Variants in GCM1 observed in about 807,000 individuals in gnomAD.
GCM1 encodes GCM transcription factor 1, also known as chorion-specific transcription factor GCMa.
Under a neutral mutation model 25.7 loss-of-function variants are expected in GCM1, and 2 were observed. The observed-to-expected ratio is 0.08, with a 90% CI of 0.03 to 0.24. The LOEUF is 0.24. Ranked by LOEUF, GCM1 falls within the 10% of genes least tolerant of loss-of-function variation. GCM1 has a pLI of 1.00. For synonymous variants in GCM1, 183 were observed against 195.7 expected, an observed-to-expected ratio of 0.94 and a Z score of 0.54; for missense variants, 395 against 538.7, an observed-to-expected ratio of 0.73 and a Z score of 2.64.
chr6:53,130,570 A>G (rs978340649), intron 5 of GCM1, among the ~76,000 whole-genome samples: 1 of 152,236 alleles, frequency 6.6e-6, no homozygotes, highest in Non-Finnish European at 1.5e-5. Context: ...GTAGTAGGGA[A>G]GATGATTCTC....
rs916167318 is a variant in GCM1 at position 53,127,573 on chromosome 6, A to G, written c.*633T>C. 2 of 152,242 alleles carry G rather than the reference A, an allele frequency of 1.3e-5. No homozygotes were observed. Among genetic ancestry groups the G allele is most frequent in the African/African-American group, 4.8e-5 (2 of 41,442 alleles). The allele number at this position is 152,242 out of a possible 1,614,324, so 9.4% of individuals were successfully genotyped here. A position where few individuals can be genotyped will look rare whatever the true frequency, so the allele number is the denominator to read the frequency against. On this transcript the variant is annotated 3_prime_UTR_variant, in exon 6 of 6. Transcript: ENST00000259803. ...TTCATTTGCAACAATGACAATGAAA[A>G]CCCAGCATGCAATGTGGCTGAGGTG...
chr6:53,128,520 A>C lies in GCM1; in HGVS notation c.997T>G (p.Ser333Ala). 6.2e-7 allele frequency: 1 copy of C among 1,614,048 alleles called. No homozygotes were observed. Among genetic ancestry groups the C allele is most frequent in the Non-Finnish European group, 8.5e-7 (1 of 1,179,936 alleles). ...WPCSFSPSQN[S>A]SEPFYQQLPL... ...AGCTGCTGGTAAAAGGGTTCTGAAG[A>C]GTTTTGGGAAGGAGAGAAGCTGCAA... is the stretch of plus-strand genomic sequence containing the variant. The change falls in exon 6 of 6, where the codon TCT becomes GCT. Residue 333 changes from serine to alanine, a missense_variant. Ser to Ala is a moderately conservative substitution (Grantham distance 99). Coordinates refer to ENST00000259803, the MANE Select transcript of GCM1 (RefSeq NM_003643.4).
rs779224988 is a variant in GCM1, at chr6:53,145,621, G to T, written c.12C>A (p.Asp4Glu). The T allele has an allele frequency of 1.3e-6, 2 of 1,594,474 alleles. No individual in the cohort carries two copies. The highest frequency in any genetic ancestry group is 8.6e-7 in the Non-Finnish European group (1 of 1,162,372). ...TCTCTTTGTCTTCAGAATCAAAGTC[G>T]TCAGGTTCCATGATAAGGTCAGGCC... MEPDDFDSEDKEIL... is the reference protein window; with the variant it reads MEPEDFDSEDKEIL... The change falls in exon 2 of 6, where the codon GAC (aspartate) becomes GAA (glutamate). Residue 4 changes from aspartate (D) to glutamate (E), a missense_variant. Transcript: ENST00000259803.
At chr6:53,130,773 A>G (rs199557387) in intron 5 of GCM1, 30 bp downstream of exon 5, 3 of 1,599,360 alleles carry the variant, frequency 1.9e-6, no homozygotes, top group Non-Finnish European at 2.6e-6. Context: ...AAGCTACTGC[A>G]TGTATTGAAC....
At chr6:53,131,331 T>G (rs1479557549) in intron 4 of GCM1, among the ~76,000 whole-genome samples, 1 of 152,168 alleles carries the variant, frequency 6.6e-6, no homozygotes, top group East Asian at 1.9e-4. Flanking sequence ...TAACCTCCTC[T>G]AGAAGTGAGG....
chr6:53,128,816 T>A lies in GCM1; in HGVS notation c.701A>T (p.Asp234Val), dbSNP rs767582312. Reference protein sequence around the residue: ...ANTPQQNSLNDCFSFSKSYGL... With the variant: ...ANTPQQNSLNVCFSFSKSYGL... ...ATAACTCTTGGAGAAGGAAAAGCAA[T>A]CATTTAGTGAGTTCTGCTGAGGAGT... Residue 234 changes from aspartate (D) to valine (V), a missense_variant, in exon 6 of 6, where the codon GAT becomes GTT. Asp to Val is a radical substitution (Grantham distance 152). Coordinates refer to ENST00000259803, the MANE Select transcript of GCM1 (RefSeq NM_003643.4). The A allele has an allele frequency of 1.2e-6, 2 of 1,613,862 alleles. No individual in the cohort carries two copies. Among genetic ancestry groups the A allele is most frequent in the East Asian group, 2.2e-5 (1 of 44,872 alleles).
At chr6:53,139,511 A>C (rs1254240248) in intron 2 of GCM1, among the ~76,000 whole-genome samples, 2 of 151,768 alleles carry the variant, frequency 1.3e-5, no homozygotes, top group African/African-American at 4.8e-5. Context: ...AAAAAAAAAA[A>C]AAAAAGGGGG....
At chr6:53,129,032 A>G in intron 5 of GCM1, 86 bp from the exon 6 acceptor site, 1 of 1,020,142 alleles carries the variant, frequency 9.8e-7, no homozygotes, top group Non-Finnish European at 1.4e-6. Flanking sequence ...CTCTGTACAA[A>G]TAAGAGCTCC....
chr6:53,138,535 A>G (rs1763832351), intron 2 of GCM1, among the ~76,000 whole-genome samples: 1 of 152,236 alleles, frequency 6.6e-6, no homozygotes, highest in African/African-American at 2.4e-5. Flanking sequence ...CCAAGACCTC[A>G]GAGAAGTAAA....
chr6:53,138,794 G>A (rs183950386), intron 2 of GCM1, among the ~76,000 whole-genome samples: 2 of 152,218 alleles, frequency 1.3e-5, no homozygotes, highest in East Asian at 3.9e-4. Flanking sequence ...ATATTTCTAT[G>A]ACTTCTGGGT....
Position 53,128,742 on chromosome 6 carries a change from G to T in GCM1, c.775C>A (p.Pro259Thr), listed in dbSNP as rs761560575. Residue 259 changes from proline to threonine, a missense_variant, in exon 6 of 6, where the codon CCC becomes ACC. Transcript: ENST00000259803. ...TTGCGCTTTTCATAGAGCTTCATGG[G>T]GTCCACAGTGGAAGTCTGGTCAGTC... ...DLTDQTSTVDPMKLYEKRKLS... is the reference protein window; with the variant it reads ...DLTDQTSTVDTMKLYEKRKLS... 6.2e-7 allele frequency: 1 copy of T among 1,613,554 alleles called. No homozygotes were observed. Among genetic ancestry groups the T allele is most frequent in the African/African-American group, 1.3e-5 (1 of 74,906 alleles).
intron 2 of GCM1, among the ~76,000 whole-genome samples, chr6:53,142,870 CAAAAAAAAAAAAAA>C (rs60718730): frequency 6.4e-4 from 24 of 37,534 alleles, no homozygotes; most frequent in South Asian, 1.3e-3. Flanking sequence ...CAAGGATCTC[CAAAAAAAAAAAAAA>C]AAAAAAAAAA....
intron 2 of GCM1, among the ~76,000 whole-genome samples, chr6:53,144,570 T>C (rs964214196): frequency 1.5e-4 from 21 of 144,716 alleles, no homozygotes; most frequent in African/African-American, 4.9e-4. Flanking sequence ...AAGCGAGTGA[T>C]TGCTTGAGCC....
intron 1 of GCM1, among the ~76,000 whole-genome samples, chr6:53,147,790 G>A (rs1448721354): frequency 6.6e-6 from 1 of 152,084 alleles, no homozygotes; most frequent in African/African-American, 2.4e-5. Context: ...ACTCTACCAA[G>A]GGAAAGTGTA....
rs1763683795 is a variant in GCM1, at chr6:53,128,759, T to C, written c.758A>G (p.Gln253Arg). The C allele has an allele frequency of 6.2e-7, 1 of 1,613,596 alleles. No homozygotes were observed. The highest frequency in any genetic ancestry group is 1.3e-5 in the African/African-American group (1 of 74,916). Residue 253 changes from glutamine to arginine, a missense_variant, in exon 6 of 6, where the codon CAG (glutamine) becomes CGG (arginine). Gln to Arg is a conservative substitution (Grantham distance 43). Transcript: ENST00000259803. ...CTTCATGGGGTCCACAGTGGAAGTC[T>C]GGTCAGTCAGATCTGTGATTCCTCC... Reference protein sequence around the residue: ...GLGGITDLTDQTSTVDPMKLY... With the variant: ...GLGGITDLTDRTSTVDPMKLY...
At chr6:53,142,251 G>T (rs1389956411) in intron 2 of GCM1, among the ~76,000 whole-genome samples, 1 of 152,044 alleles carries the variant, frequency 6.6e-6, no homozygotes, top group Non-Finnish European at 1.5e-5. Flanking sequence ...ATCATAACAA[G>T]CCATTGCATT....
chr6:53,146,217 T>TATATATA (rs546236039), intron 1 of GCM1, among the ~76,000 whole-genome samples: 65 of 30,752 alleles, frequency 2.1e-3, no homozygotes, highest in East Asian at 0.016. Flanking sequence ...TATATATATA[T>TATATATA]TTTTTTTTTT....
At chr6:53,147,201 C>A (rs777289582) in intron 1 of GCM1, among the ~76,000 whole-genome samples, 7 of 151,920 alleles carry the variant, frequency 4.6e-5, no homozygotes, top group Non-Finnish European at 1.0e-4. Flanking sequence ...AAGTGTTCTA[C>A]CCTGAGGAAA....
At chr6:53,130,598 T>C (rs546306533) in intron 5 of GCM1, among the ~76,000 whole-genome samples, 109 of 152,368 alleles carry the variant, frequency 7.2e-4, no homozygotes, top group Non-Finnish European at 1.2e-3. Flanking sequence ...ATGGACTTTA[T>C]GGTTCCCAGC....
Sources: gnomAD v4.1 joint callset for allele counts (sites outside exome capture counted in the v4.1 genomes callset) on GRCh38, gnomAD v4.1.1 for gene constraint, MANE v1.5 for transcripts, NCBI Gene and HGNC (gene_info 2026-07-23, HGNC 2026-07-21) for gene names.